STAU2: variants seen among roughly 807,000 people sequenced by gnomAD.
STAU2 encodes double-stranded RNA-binding protein Staufen homolog 2.
Under a neutral mutation model 65.9 loss-of-function variants are expected in STAU2, and 20 were observed. That is an observed-to-expected ratio of 0.30 (90% CI 0.21 to 0.44). STAU2 has a LOEUF of 0.44. Ranked by LOEUF, STAU2 falls within the 20% of genes least tolerant of loss-of-function variation. STAU2 has a pLI of 1.00. For synonymous variants in STAU2, 232 were observed against 233.9 expected, an observed-to-expected ratio of 0.99 and a Z score of 0.07; for missense variants, 558 against 683.9, an observed-to-expected ratio of 0.82 and a Z score of 2.05.
intron 4 of STAU2, among the ~76,000 whole-genome samples, chr8:73,697,049 T>G (rs2130577490): frequency 6.6e-6 from 1 of 151,032 alleles, no homozygotes; most frequent in East Asian, 1.9e-4. Context: ...CTTTTGTTGT[T>G]TTGTTTTGTT....
intron 6 of STAU2, among the ~76,000 whole-genome samples, chr8:73,664,889 A>C (rs1259320702): frequency 6.6e-6 from 1 of 152,030 alleles, no homozygotes; most frequent in African/African-American, 2.4e-5. Flanking sequence ...GTACTCGGGA[A>C]ATTGAGGCAT....
chr8:73,441,084 C>A (rs1363515642), intron 13 of STAU2: 1 of 152,284 alleles, frequency 6.6e-6, no homozygotes, highest in East Asian at 1.9e-4. Flanking sequence ...CCTTGTGACC[C>A]CTGGATCTAA....
chr8:73,475,651 T>A (rs755042582), intron 13 of STAU2, among the ~76,000 whole-genome samples: 60 of 152,350 alleles, frequency 3.9e-4, no homozygotes, highest in African/African-American at 1.4e-3. Context: ...ATTTTCTTAC[T>A]GATATGTGAT....
intron 6 of STAU2, among the ~76,000 whole-genome samples, chr8:73,644,913 A>G (rs4738390): frequency 0.054 from 8,212 of 152,260 alleles, 402 homozygotes; most frequent in Admixed American, 0.16. Flanking sequence ...GAAAAGCCCT[A>G]TAAGTATTCA....
intron 12 of STAU2, among the ~76,000 whole-genome samples, chr8:73,555,980 G>C (rs1234750980): frequency 6.6e-6 from 1 of 151,936 alleles, no homozygotes; most frequent in Non-Finnish European, 1.5e-5. Context: ...ACTGAAAAAA[G>C]TTAAGATAAA....
intron 1 of STAU2, among the ~76,000 whole-genome samples, chr8:73,742,636 G>A (rs541984289): frequency 1.1e-4 from 16 of 151,764 alleles, no homozygotes; most frequent in African/African-American, 3.9e-4. Context: ...ATGTATCCAT[G>A]CGTCCCAAAA....
intron 3 of STAU2, among the ~76,000 whole-genome samples, chr8:73,724,696 T>A (rs1355977553): frequency 5.1e-4 from 71 of 137,990 alleles, no homozygotes; most frequent in South Asian, 2.1e-3. Context: ...TATATATTTT[T>A]TTTTTTTTTC....
chr8:73,459,444 A>G (rs991787295), intron 13 of STAU2, among the ~76,000 whole-genome samples: 7 of 152,200 alleles, frequency 4.6e-5, no homozygotes, highest in African/African-American at 1.7e-4. Context: ...CCCTAAATAC[A>G]TTCTGAGAGC....
chr8:73,490,739 C>T (rs1253432042), intron 13 of STAU2, among the ~76,000 whole-genome samples: 1 of 151,950 alleles, frequency 6.6e-6, no homozygotes, highest in Non-Finnish European at 1.5e-5. Flanking sequence ...ATTACTTTAT[C>T]CTGTTAAATT....
chr8:73,674,519 T>C (rs772003456), intron 5 of STAU2, among the ~76,000 whole-genome samples: 5 of 151,902 alleles, frequency 3.3e-5, no homozygotes, highest in Non-Finnish European at 5.9e-5. Flanking sequence ...TAAAACCTAA[T>C]TGATTGGTGG....
chr8:73,447,133 A>G (rs1471428409), intron 13 of STAU2, among the ~76,000 whole-genome samples: 1 of 152,048 alleles, frequency 6.6e-6, no homozygotes, highest in African/African-American at 2.4e-5. Context: ...TTCAGTAGAG[A>G]CAGGGTTTCA....
chr8:73,453,816 G>T (rs1373084771), intron 13 of STAU2, among the ~76,000 whole-genome samples: 1 of 151,908 alleles, frequency 6.6e-6, no homozygotes, highest in Non-Finnish European at 1.5e-5. Flanking sequence ...CTACTGATCA[G>T]GCATGTATCT....
At chr8:73,433,053 C>T (rs1053305051) in intron 13 of STAU2, among the ~76,000 whole-genome samples, 1 of 152,194 alleles carries the variant, frequency 6.6e-6, no homozygotes, top group African/African-American at 2.4e-5. Context: ...TTGACAACAA[C>T]GCAGAGTGGA....
chr8:73,429,376 G>A (rs1817080142), intron 13 of STAU2, among the ~76,000 whole-genome samples: 1 of 138,034 alleles, frequency 7.2e-6, no homozygotes, highest in Non-Finnish European at 1.5e-5. Flanking sequence ...AAGTGGCAGA[G>A]CAGAGATTTG....
At chr8:73,571,998 G>A (rs1422776022) in intron 12 of STAU2, among the ~76,000 whole-genome samples, 1 of 152,014 alleles carries the variant, frequency 6.6e-6, no homozygotes, top group Admixed American at 6.6e-5. Flanking sequence ...TTGATAGACC[G>A]CTAGCAAGAC....
chr8:73,514,712 T>C (rs1822610930), intron 13 of STAU2, among the ~76,000 whole-genome samples: 1 of 152,226 alleles, frequency 6.6e-6, no homozygotes, highest in Admixed American at 6.5e-5. Context: ...AAAACATTTC[T>C]GGCACAAAAT....
chr8:73,444,557 T>C (rs932620854), intron 13 of STAU2, among the ~76,000 whole-genome samples: 1 of 152,210 alleles, frequency 6.6e-6, no homozygotes, highest in African/African-American at 2.4e-5. Flanking sequence ...GTAATTAGTT[T>C]CTACTGCAAA....
chr8:73,518,247 G>A (rs1171708314), intron 13 of STAU2, among the ~76,000 whole-genome samples: 1 of 152,182 alleles, frequency 6.6e-6, no homozygotes, highest in Non-Finnish European at 1.5e-5. Flanking sequence ...GCTATAAAAT[G>A]GGCAATACTT....
intron 13 of STAU2, among the ~76,000 whole-genome samples, chr8:73,433,594 G>A (rs553818846): frequency 1.5e-4 from 23 of 150,762 alleles, no homozygotes; most frequent in Admixed American, 7.3e-4. Context: ...TACGCTTCCC[G>A]GGTTCAAGCG....
Sources: gnomAD v4.1 joint callset for allele counts (sites outside exome capture counted in the v4.1 genomes callset) on GRCh38, gnomAD v4.1.1 for gene constraint, MANE v1.5 for transcripts, NCBI Gene and HGNC (gene_info 2026-07-23, HGNC 2026-07-21) for gene names.